Variants in ZFHX4 observed in about 807,000 individuals in gnomAD.
ZFHX4 encodes zinc finger homeobox protein 4.
Under a neutral mutation model 267.6 loss-of-function variants are expected in ZFHX4, and 56 were observed. That is an observed-to-expected ratio of 0.21 (90% CI 0.17 to 0.26). The LOEUF (loss-of-function observed/expected upper bound fraction) is 0.26. Ranked by LOEUF, ZFHX4 falls within the 10% of genes least tolerant of loss-of-function variation. The pLI, the probability that ZFHX4 is intolerant of heterozygous loss-of-function variation, is 1.00. For missense variants in ZFHX4, 4,332 were observed against 4,420.0 expected (o/e 0.98, Z 0.56); for synonymous variants, 1,778 against 1,665.6 (o/e 1.07, Z -1.64).
At chr8:76,733,574 A>T (rs901356922) in intron 3 of ZFHX4, 1 of 152,216 alleles carries the variant, frequency 6.6e-6, no homozygotes, top group Non-Finnish European at 1.5e-5. Context: ...AGTCAGTGCT[A>T]CTTGTAAATG....
intron 5 of ZFHX4, among the ~76,000 whole-genome samples, chr8:76,840,142 C>G (rs114744260): frequency 0.019 from 2,921 of 152,202 alleles, 76 homozygotes; most frequent in African/African-American, 0.061. Context: ...ATCTGAATTG[C>G]TTGAGCATTA....
At chr8:76,816,756 C>A (rs756904556) in intron 4 of ZFHX4, among the ~76,000 whole-genome samples, 12 of 151,854 alleles carry the variant, frequency 7.9e-5, no homozygotes, top group Non-Finnish European at 1.6e-4. Context: ...CAACCATGCC[C>A]GGCTAATTTT....
rs747385020 is a variant in ZFHX4, at chr8:76,855,099, A to C, written c.8178A>C (p.Lys2726Asn). Residue 2726 changes from lysine to asparagine, a missense_variant, in exon 10 of 11, where the codon AAA becomes AAC. Transcript: ENST00000651372. ...AAGATGGGGGAGAAAGCCCACAGAA[A>C]TACATCTATTTTGATTACCCATCTT... ...STEDGGESPQ[K>N]YIYFDYPSLP... 6.2e-7 allele frequency: 1 copy of C among 1,613,898 alleles called. No individual in the cohort carries two copies. The highest frequency in any genetic ancestry group is 1.1e-5 in the South Asian group (1 of 91,084).
chr8:76,778,132 A>T, intron 3 of ZFHX4, 76 bp from the exon 4 acceptor site: 1 of 935,120 alleles, frequency 1.1e-6, no homozygotes, highest in Non-Finnish European at 1.8e-6. Context: ...TTATCATGCC[A>T]TGGGTGGGTG....
intron 6 of ZFHX4, among the ~76,000 whole-genome samples, chr8:76,847,474 T>C (rs975973947): frequency 1.3e-5 from 2 of 152,060 alleles, no homozygotes; most frequent in Non-Finnish European, 2.9e-5. Flanking sequence ...AAGACAAATG[T>C]ACCAACTCAA....
intron 3 of ZFHX4, among the ~76,000 whole-genome samples, chr8:76,760,773 T>TA: frequency 6.6e-6 from 1 of 151,220 alleles, no homozygotes; most frequent in Middle Eastern, 3.4e-3. Flanking sequence ...ACAAAAAAAT[T>TA]AAAAAATTAG....
Position 76,778,314 on chromosome 8 carries a change from G to T in ZFHX4, c.3200G>T (p.Arg1067Leu), listed in dbSNP as rs750806468. The stretch of plus-strand genomic sequence containing the variant: ...AAGTTGAATCTGGTACAACATGTCC[G>T]TTCGGTGAAGCATCAGCAGACTGAG... ...KVKLNLVQHV[R>L]SVKHQQTEGL... The change falls in exon 4 of 11, where the codon CGT (arginine) becomes CTT (leucine). Residue 1067 changes from arginine to leucine, a missense_variant. By Grantham distance (102) the Arg-to-Leu change is moderately radical. Around this residue, in one of 7 missense-constraint regions of ZFHX4, gnomAD observed 1,371 missense variants for 1,423.1 expected, o/e 0.96. Transcript: ENST00000651372. 1 of 1,613,822 alleles carries T rather than the reference G, an allele frequency of 6.2e-7. No individual in the cohort carries two copies. Among genetic ancestry groups the T allele is most frequent in the African/African-American group, 1.3e-5 (1 of 75,034 alleles).
In ZFHX4 at chr8:76,854,274, G is replaced by GCCA. The variant is rs1178461365; in HGVS notation, c.7357_7359dup (p.Pro2453dup). 1 of 1,589,626 alleles carries GCCA rather than the reference G, an allele frequency of 6.3e-7. No individual in the cohort carries two copies. The highest frequency in any genetic ancestry group is 1.8e-5 in the Admixed American group (1 of 54,698). Reference sequence around the variant, plus strand: ...CAGCCCAGCCACAGCCACAGCCACAGCCACCAAAACAACCCCAACTTATCG... The same window carrying GCCA: ...CAGCCCAGCCACAGCCACAGCCACAGCCACCACCAAAACAACCCCAACTTATCG... On this transcript the variant is annotated inframe_insertion, in exon 10 of 11. Transcript: ENST00000651372.
chr8:76,690,046 A>T (rs1010742282), intron 1 of ZFHX4, among the ~76,000 whole-genome samples: 14 of 152,038 alleles, frequency 9.2e-5, no homozygotes, highest in African/African-American at 3.1e-4. Flanking sequence ...CAGCATCATC[A>T]TTCAGATAAT....
chr8:76,853,666 G>A lies in ZFHX4; in HGVS notation c.6745G>A (p.Ala2249Thr), dbSNP rs768195120. 2.5e-6 allele frequency: 4 copies of A among 1,613,488 alleles called. No individual in the cohort carries two copies. The highest frequency in any genetic ancestry group is 3.4e-6 in the Non-Finnish European group (4 of 1,179,688). Residue 2249 changes from alanine to threonine, a missense_variant, in exon 10 of 11, where the codon GCT (alanine) becomes ACT (threonine). Transcript: ENST00000651372. ...TCTGCAAGACTTTTTTGACACAAAC[G>A]CTTACCCAAAAGATGATGAAATAGA... ...RVLQDFFDTN[A>T]YPKDDEIEQL...
chr8:76,814,171 A>T (rs1811446212), intron 4 of ZFHX4, among the ~76,000 whole-genome samples: 1 of 152,152 alleles, frequency 6.6e-6, no homozygotes, highest in Non-Finnish European at 1.5e-5. Flanking sequence ...TTCTGGGCAC[A>T]AGTGATCTGT....
At chr8:76,838,165 G>A (rs942527432) in intron 5 of ZFHX4, among the ~76,000 whole-genome samples, 4 of 152,174 alleles carry the variant, frequency 2.6e-5, no homozygotes, top group Non-Finnish European at 5.9e-5. Flanking sequence ...AAACAGTTGG[G>A]TTTCTTGAAC....
At chr8:76,725,146 C>A (rs1808819894) in intron 3 of ZFHX4, among the ~76,000 whole-genome samples, 1 of 151,960 alleles carries the variant, frequency 6.6e-6, no homozygotes, top group Admixed American at 6.6e-5. Context: ...ACTTTTCTCC[C>A]AAATACAATA....
At position 76,799,590 on chromosome 8, in the gene ZFHX4, A is replaced by G. The variant is rs902600117; in HGVS notation, c.3325+21151A>G. ...GTGGAAACAGTTTCCATAACTAAAT[A>G]AATCTGTTTCACTAGTCTAAGAGAA... On this transcript the variant is annotated intron_variant, in intron 4 of 10. Coordinates refer to ENST00000651372, the MANE Select transcript of ZFHX4 (RefSeq NM_024721.5). Among the ~76,000 whole-genome samples, 7 of 152,330 alleles carry G rather than the reference A, an allele frequency of 4.6e-5. No individual in the cohort carries two copies. In the East Asian group the frequency reaches 7.7e-4, roughly 17 times the overall value.
At chr8:76,739,703 G>T (rs1352751155) in intron 3 of ZFHX4, among the ~76,000 whole-genome samples, 1 of 152,052 alleles carries the variant, frequency 6.6e-6, no homozygotes, top group East Asian at 1.9e-4. Flanking sequence ...GTTGTTATAG[G>T]CATTCTTGCC....
At chr8:76,818,184 G>A (rs533868368) in intron 4 of ZFHX4, among the ~76,000 whole-genome samples, 2 of 152,254 alleles carry the variant, frequency 1.3e-5, no homozygotes, top group African/African-American at 2.4e-5. Flanking sequence ...TGAAAATTGA[G>A]TAGGGAAGGA....
chr8:76,852,357 T>C lies in ZFHX4; in HGVS notation c.5436T>C (p.Pro1812=), dbSNP rs775670871. ...QYQATQPQLQ[P]QKQQQQPPPP... ...AAGCCACACAGCCCCAGCTGCAGCC[T>C]CAAAAACAACAGCAGCAGCCACCAC... Residue 1812 remains proline (P), a synonymous_variant, in exon 10 of 11, where the codon CCT becomes CCC. Transcript: ENST00000651372. The C allele has an allele frequency of 1.9e-6, 3 of 1,553,046 alleles. No homozygotes were observed. The highest frequency in any genetic ancestry group is 2.0e-5 in the Admixed American group (1 of 51,066).
chr8:76,774,723 T>C (rs1003935354), intron 3 of ZFHX4, among the ~76,000 whole-genome samples: 19 of 152,274 alleles, frequency 1.2e-4, no homozygotes, highest in African/African-American at 4.6e-4. Flanking sequence ...CATAATTAAA[T>C]ATGTATAACA....
intron 7 of ZFHX4, 61 bp from the exon 8 acceptor site, chr8:76,849,451 C>G: frequency 6.9e-7 from 1 of 1,452,506 alleles, no homozygotes; most frequent in Non-Finnish European, 9.7e-7. Flanking sequence ...AATACAACTA[C>G]TATGTATCAA....
Sources: gnomAD v4.1 joint callset for allele counts (sites outside exome capture counted in the v4.1 genomes callset) on GRCh38, gnomAD v4.1.1 for gene constraint, gnomAD v4.1.1 regional missense constraint, MANE v1.5 for transcripts, NCBI Gene and HGNC (gene_info 2026-07-23, HGNC 2026-07-21) for gene names.